ZFPM2: variants seen among roughly 807,000 people sequenced by gnomAD.
The protein encoded by ZFPM2 is zinc finger protein ZFPM2.
In ZFPM2, 20 loss-of-function variants were observed where a neutral mutation model predicts 98.6. That is an observed-to-expected ratio of 0.20 (90% CI 0.14 to 0.29). The LOEUF (loss-of-function observed/expected upper bound fraction) is 0.29. Among genes scored for constraint, ZFPM2 ranks in the 10% least tolerant of loss-of-function variants. The pLI is 1.00. For synonymous variants in ZFPM2, 518 were observed against 502.7 expected, an observed-to-expected ratio of 1.03 and a Z score of -0.41; for missense variants, 1,310 against 1,388.6, an observed-to-expected ratio of 0.94 and a Z score of 0.90.
chr8:105,548,757 G>T (rs115604268), intron 3 of ZFPM2, among the ~76,000 whole-genome samples: 1,687 of 151,900 alleles, frequency 0.011, 31 homozygotes, highest in African/African-American at 0.038. Context: ...TTTCCTTACT[G>T]GTAAAATTTT....
At chr8:105,603,519 T>G (rs1816136510) in intron 4 of ZFPM2, among the ~76,000 whole-genome samples, 1 of 152,140 alleles carries the variant, frequency 6.6e-6, no homozygotes, top group African/African-American at 2.4e-5. Context: ...TTTATTTGTT[T>G]AATAGATAAG....
At chr8:105,496,982 CAAAAA>C (rs1207276670) in intron 3 of ZFPM2, among the ~76,000 whole-genome samples, 2 of 31,508 alleles carry the variant, frequency 6.3e-5, no homozygotes, top group Admixed American at 4.1e-4. Context: ...AACTCCGTCT[CAAAAA>C]AAAAAAAAAA....
chr8:105,349,360 T>C (rs779310947), intron 1 of ZFPM2, among the ~76,000 whole-genome samples: 13 of 152,150 alleles, frequency 8.5e-5, no homozygotes, highest in Admixed American at 2.0e-4. Context: ...GCCCGAGTAA[T>C]GTGGTCTGTA....
intron 3 of ZFPM2, among the ~76,000 whole-genome samples, chr8:105,467,109 G>A (rs551813202): frequency 3.9e-5 from 6 of 152,042 alleles, no homozygotes; most frequent in Non-Finnish European, 5.9e-5. Context: ...GTAGATGGAG[G>A]ATTCTTGTGA....
chr8:105,543,584 G>A (rs190853631), intron 3 of ZFPM2, among the ~76,000 whole-genome samples: 45 of 152,062 alleles, frequency 3.0e-4, no homozygotes, highest in Non-Finnish European at 5.3e-4. Flanking sequence ...TAAACCAATT[G>A]GAAGAGTATT....
Position 105,530,875 on chromosome 8 carries a change from C to T in ZFPM2, c.302-30488C>T, listed in dbSNP as rs549001191. Among the ~76,000 whole-genome samples the T allele has an allele frequency of 8.9e-4, 136 of 152,166 alleles. 1 individual carries two copies. The highest frequency in any genetic ancestry group is 1.9e-3 in the East Asian group (10 of 5,172). On this transcript the variant is annotated intron_variant, in intron 3 of 7. Coordinates refer to ENST00000407775, the MANE Select transcript of ZFPM2 (RefSeq NM_012082.4). ...TCTACAATGTAAGGTATCCAGGAAG[C>T]GGGCCAGCCTAATATGTTAGACTGA...
At chr8:105,687,736 C>A (rs1434434040) in intron 5 of ZFPM2, among the ~76,000 whole-genome samples, 1 of 151,894 alleles carries the variant, frequency 6.6e-6, no homozygotes, top group African/African-American at 2.4e-5. Flanking sequence ...AAAATTAGAT[C>A]CTGAACTTGA....
intron 3 of ZFPM2, among the ~76,000 whole-genome samples, chr8:105,474,342 A>C (rs371787778): frequency 6.6e-6 from 1 of 152,214 alleles, no homozygotes; most frequent in Non-Finnish European, 1.5e-5. Flanking sequence ...ACAATTTTCA[A>C]TCCAGCTACA....
chr8:105,404,325 T>G (rs1352570905), intron 1 of ZFPM2, among the ~76,000 whole-genome samples: 1 of 152,110 alleles, frequency 6.6e-6, no homozygotes, highest in African/African-American at 2.4e-5. Flanking sequence ...GTCTAGCCTA[T>G]TTTAGAATTT....
intron 5 of ZFPM2, among the ~76,000 whole-genome samples, chr8:105,723,504 C>T (rs1370459020): frequency 1.3e-5 from 2 of 151,782 alleles, no homozygotes; most frequent in Non-Finnish European, 2.9e-5. Flanking sequence ...ATCCGGGTGG[C>T]CAGGGACATT....
At chr8:105,607,129 G>A (rs562026575) in intron 4 of ZFPM2, among the ~76,000 whole-genome samples, 5 of 152,096 alleles carry the variant, frequency 3.3e-5, no homozygotes, top group African/African-American at 1.2e-4. Context: ...CTCCTCTTCG[G>A]CCATTCCTTA....
At chr8:105,751,414 T>A (rs1812472663) in intron 5 of ZFPM2, among the ~76,000 whole-genome samples, 1 of 152,090 alleles carries the variant, frequency 6.6e-6, no homozygotes, top group African/African-American at 2.4e-5. Context: ...TGTTACCGCA[T>A]TAAACAATAA....
At chr8:105,774,801 AG>A (rs1193516081) in intron 5 of ZFPM2, among the ~76,000 whole-genome samples, 1 of 152,088 alleles carries the variant, frequency 6.6e-6, no homozygotes, top group East Asian at 1.9e-4. Flanking sequence ...TCAGCAGCAA[AG>A]GGGCAGAATT....
At chr8:105,458,005 G>A (rs1419562095) in intron 3 of ZFPM2, among the ~76,000 whole-genome samples, 2 of 152,168 alleles carry the variant, frequency 1.3e-5, no homozygotes, top group Non-Finnish European at 2.9e-5. Context: ...ATCTAACCAG[G>A]GACCCTGGTG....
intron 5 of ZFPM2, among the ~76,000 whole-genome samples, chr8:105,783,098 C>T (rs141430059): frequency 1.3e-5 from 2 of 152,006 alleles, no homozygotes; most frequent in Non-Finnish European, 2.9e-5. Flanking sequence ...AAGTGAACTC[C>T]TTCTTAGCAG....
intron 3 of ZFPM2, among the ~76,000 whole-genome samples, chr8:105,558,239 T>C (rs2130689823): frequency 6.6e-6 from 1 of 152,320 alleles, no homozygotes; most frequent in South Asian, 2.1e-4. Context: ...CTTGGTAGAA[T>C]ATACATGCTA....
rs182863402 is a variant in ZFPM2 at position 105,417,022 on chromosome 8, G to A, written c.41-2122G>A. ...GTATTTTTAAAATCTCTTGACTCAT[G>A]CCTGTAGTCCCAGCTTCTCCAGAGG... On this transcript the variant is annotated intron_variant, in intron 1 of 7. Coordinates refer to ENST00000407775, the MANE Select transcript of ZFPM2 (RefSeq NM_012082.4). 5.8e-3 allele frequency among the ~76,000 whole-genome samples: 887 copies of A among 152,114 alleles called. 9 individuals are homozygous for A. Among genetic ancestry groups the A allele is most frequent in the African/African-American group, 0.021 (855 of 41,526 alleles).
At chr8:105,332,753 G>T (rs549428292) in intron 1 of ZFPM2, among the ~76,000 whole-genome samples, 2 of 151,804 alleles carry the variant, frequency 1.3e-5, no homozygotes, top group Admixed American at 1.3e-4. Flanking sequence ...TTTCAGCTGG[G>T]TATTGAAGGA....
At chr8:105,339,125 T>C (rs1444276545) in intron 1 of ZFPM2, among the ~76,000 whole-genome samples, 1 of 151,892 alleles carries the variant, frequency 6.6e-6, no homozygotes, top group African/African-American at 2.4e-5. Context: ...TTGTATTCTT[T>C]ATTTTTAAAA....
Sources: allele counts gnomAD v4.1 joint callset (sites outside exome capture counted in the v4.1 genomes callset), GRCh38; gene constraint gnomAD v4.1.1; transcripts MANE v1.5; gene names NCBI Gene and HGNC (gene_info 2026-07-23, HGNC 2026-07-21).